The following MED27 variants were observed in gnomAD, a reference collection of about 807,000 sequenced individuals.
MED27 encodes mediator complex subunit 27.
MED27 carries 30 observed loss-of-function variants against 38.2 expected under a neutral mutation model. That is an observed-to-expected ratio of 0.79 (90% confidence interval 0.59 to 1.07). MED27 has a LOEUF of 1.07. Among genes scored for constraint, MED27 ranks in the 50% least tolerant of loss-of-function variants. The probability of loss-of-function intolerance (pLI) is 0.00; values close to 1 mark genes in which losing one functional copy is unlikely to be tolerated. For missense variants in MED27, 289 were observed against 397.5 expected (o/e 0.73, Z 2.32); for synonymous variants, 122 against 153.5 (o/e 0.79, Z 1.52).
intron 6 of MED27, among the ~76,000 whole-genome samples, chr9:131,881,800 CT>C (rs61624043): frequency 3.3e-3 from 201 of 60,972 alleles, no homozygotes; most frequent in African/African-American, 9.9e-3. Flanking sequence ...TCTTCTTCTT[CT>C]TTTTTTTTTT....
At chr9:131,963,284 G>C (rs1394202708) in intron 3 of MED27, among the ~76,000 whole-genome samples, 1 of 152,096 alleles carries the variant, frequency 6.6e-6, no homozygotes, top group Non-Finnish European at 1.5e-5. Context: ...TTTTAGCGTA[G>C]AGAACAAAGA....
intron 2 of MED27, among the ~76,000 whole-genome samples, chr9:132,050,126 C>T (rs764192785): frequency 7.9e-5 from 12 of 152,072 alleles, no homozygotes; most frequent in Admixed American, 1.3e-4. Context: ...ATAAGGGTTC[C>T]GGCCACAGCT....
intron 4 of MED27, among the ~76,000 whole-genome samples, chr9:131,938,876 G>A (rs1285288202): frequency 2.0e-5 from 3 of 151,834 alleles, no homozygotes; most frequent in Admixed American, 2.0e-4. Flanking sequence ...ACCACACCCG[G>A]CTAATATTTT....
At chr9:131,930,142 C>T (rs759241037) in intron 4 of MED27, among the ~76,000 whole-genome samples, 5 of 152,166 alleles carry the variant, frequency 3.3e-5, no homozygotes, top group Non-Finnish European at 5.9e-5. Context: ...ATCTAAGTGT[C>T]ATTGGTCTTA....
At chr9:132,066,972 C>T (rs1833823637) in intron 2 of MED27, among the ~76,000 whole-genome samples, 1 of 152,238 alleles carries the variant, frequency 6.6e-6, no homozygotes, top group African/African-American at 2.4e-5. Flanking sequence ...TGACAACAGC[C>T]ACAACCAAAA....
chr9:132,064,364 T>C (rs996989817), intron 2 of MED27, among the ~76,000 whole-genome samples: 1 of 152,070 alleles, frequency 6.6e-6, no homozygotes, highest in Non-Finnish European at 1.5e-5. Flanking sequence ...CAGTCCGAGA[T>C]AAAAGGAATA....
chr9:131,943,322 G>C (rs150946914), intron 3 of MED27, among the ~76,000 whole-genome samples: 1 of 152,128 alleles, frequency 6.6e-6, no homozygotes, highest in African/African-American at 2.4e-5. Context: ...AATAAGGAAA[G>C]CTTGGAAGCT....
At chr9:132,073,358 C>T (rs192646466) in intron 2 of MED27, 11 of 1,006,624 alleles carry the variant, frequency 1.1e-5, no homozygotes, top group African/African-American at 8.6e-5. Context: ...GAAAACGCTT[C>T]GATTCATTTA....
chr9:131,992,343 T>C (rs995430677), intron 3 of MED27, among the ~76,000 whole-genome samples: 3 of 152,196 alleles, frequency 2.0e-5, no homozygotes, highest in Non-Finnish European at 2.9e-5. Context: ...CAAACGGGGA[T>C]AAAAATCTAC....
intron 4 of MED27, among the ~76,000 whole-genome samples, chr9:131,927,154 G>A (rs1589216212): frequency 6.6e-6 from 1 of 152,124 alleles, no homozygotes; most frequent in Non-Finnish European, 1.5e-5. Flanking sequence ...TTCAAAGAAC[G>A]GAAGCAAGAT....
chr9:131,984,584 G>A (rs550697335), intron 3 of MED27, among the ~76,000 whole-genome samples: 1 of 152,316 alleles, frequency 6.6e-6, no homozygotes, highest in South Asian at 2.1e-4. Flanking sequence ...AAAGGTGTAT[G>A]ATACAAAGTG....
At chr9:132,060,059 G>T (rs539659557) in intron 2 of MED27, among the ~76,000 whole-genome samples, 1 of 152,324 alleles carries the variant, frequency 6.6e-6, no homozygotes, top group Non-Finnish European at 1.5e-5. Context: ...GCAGAGCTTG[G>T]ACTTGATCTA....
At chr9:132,015,840 T>C (rs1043962584) in intron 2 of MED27, among the ~76,000 whole-genome samples, 1 of 152,218 alleles carries the variant, frequency 6.6e-6, no homozygotes, top group Non-Finnish European at 1.5e-5. Flanking sequence ...TTTGAGCAGA[T>C]GTAAATAAAA....
chr9:132,074,025 C>T (rs1435092364), intron 2 of MED27, among the ~76,000 whole-genome samples: 2 of 152,336 alleles, frequency 1.3e-5, no homozygotes, highest in South Asian at 2.1e-4. Context: ...CAGGTTAACT[C>T]TCAGCATCTC....
At chr9:131,986,999 A>ATTTTTTTTTTTTTTTTTTTTTTTTTTT (rs66519112) in intron 3 of MED27, among the ~76,000 whole-genome samples, 1 of 46,224 alleles carries the variant, frequency 2.2e-5, no homozygotes, top group Non-Finnish European at 3.7e-5. Context: ...GAGTTCATGG[A>ATTTTTTTTTTTTTTTTTTTTTTTTTTT]TTTTTTTTTT....
At chr9:131,989,829 G>A (rs747889075) in intron 3 of MED27, among the ~76,000 whole-genome samples, 5 of 150,652 alleles carry the variant, frequency 3.3e-5, no homozygotes, top group Non-Finnish European at 7.4e-5. Context: ...CTATCAATTC[G>A]CCTATAACCT....
At chr9:131,941,632 G>A (rs879794775) in intron 3 of MED27, among the ~76,000 whole-genome samples, 6 of 151,876 alleles carry the variant, frequency 4.0e-5, no homozygotes, top group Non-Finnish European at 5.9e-5. Context: ...ATTTGCTCCC[G>A]GAGAAAAGAA....
At chr9:132,011,093 C>G (rs545364484) in intron 3 of MED27, among the ~76,000 whole-genome samples, 1 of 151,996 alleles carries the variant, frequency 6.6e-6, no homozygotes. Context: ...TATTGATATG[C>G]AAATTTGAAT....
intron 3 of MED27, among the ~76,000 whole-genome samples, chr9:131,946,842 T>C (rs974114530): frequency 1.3e-5 from 2 of 152,230 alleles, no homozygotes; most frequent in African/African-American, 4.8e-5. Flanking sequence ...GTTTTCATCT[T>C]AAATGATGCT....
Sources: allele counts gnomAD v4.1 joint callset (sites outside exome capture counted in the v4.1 genomes callset), GRCh38; gene constraint gnomAD v4.1.1; transcripts MANE v1.5; gene names NCBI Gene and HGNC (gene_info 2026-07-23, HGNC 2026-07-21).